ARMC9: variants seen among roughly 807,000 people sequenced by gnomAD.
ARMC9 encodes lisH domain-containing protein ARMC9.
In ARMC9, 94 loss-of-function variants were observed where a neutral mutation model predicts 107.0. The observed-to-expected ratio is 0.88, with a 90% CI of 0.74 to 1.04. The LOEUF (loss-of-function observed/expected upper bound fraction) is 1.04. Among genes scored for constraint, ARMC9 ranks in the 50% least tolerant of loss-of-function variants. The pLI is 0.00. For synonymous variants in ARMC9, 380 were observed against 396.9 expected, an observed-to-expected ratio of 0.96 and a Z score of 0.51; for missense variants, 942 against 1,030.1, an observed-to-expected ratio of 0.91 and a Z score of 1.17.
rs1042346974 is a variant in ARMC9 at position 231,362,857 on chromosome 2, C to T, written c.2261+1974C>T. 2 of 154,312 alleles carry T rather than the reference C, an allele frequency of 1.3e-5. No homozygotes were observed. The highest frequency in any genetic ancestry group is 4.8e-5 in the African/African-American group (2 of 41,500). 9.6% of individuals were successfully genotyped at this position (154,312 alleles called of 1,614,324 possible). Reference sequence around the variant, plus strand: ...CCCAATTCAGGTCTCACTGAAGCATCCCTTCCTCCTGCCTGACCCCAAAGT... The same window carrying T: ...CCCAATTCAGGTCTCACTGAAGCATTCCTTCCTCCTGCCTGACCCCAAAGT... On this transcript the variant is annotated intron_variant, in intron 23 of 24. Transcript: ENST00000611582. The surrounding 1 kb of genome is among the most constrained non-coding windows in gnomAD (Gnocchi z 4.7).
chr2:231,240,460 C>T (rs2036193301), intron 9 of ARMC9, among the ~76,000 whole-genome samples: 1 of 152,124 alleles, frequency 6.6e-6, no homozygotes, highest in Admixed American at 6.5e-5. Context: ...ATTGGTATAC[C>T]CTTCACCCAG....
At chr2:231,301,550 A>G (rs948413917) in intron 19 of ARMC9, among the ~76,000 whole-genome samples, 2 of 151,586 alleles carry the variant, frequency 1.3e-5, no homozygotes, top group South Asian at 2.1e-4. Flanking sequence ...TACATTGTAC[A>G]TTTCCAATTT....
intron 15 of ARMC9, among the ~76,000 whole-genome samples, chr2:231,277,880 ATATG>A (rs2039899556): frequency 6.6e-6 from 1 of 152,184 alleles, no homozygotes; most frequent in South Asian, 2.1e-4. Flanking sequence ...CTAACTTCTA[ATATG>A]TTTATCAGAT....
intron 9 of ARMC9, among the ~76,000 whole-genome samples, chr2:231,251,300 G>A (rs1260994455): frequency 2.0e-5 from 3 of 152,060 alleles, no homozygotes; most frequent in Non-Finnish European, 4.4e-5. Flanking sequence ...CCAAGTAGCT[G>A]GGACTACAGG....
chr2:231,274,839 A>G (rs1297240556), intron 14 of ARMC9, among the ~76,000 whole-genome samples: 1 of 152,196 alleles, frequency 6.6e-6, no homozygotes, highest in Admixed American at 6.5e-5. Flanking sequence ...CTCCCTGCCA[A>G]TGAAAATTCT....
intron 19 of ARMC9, among the ~76,000 whole-genome samples, chr2:231,316,762 T>C (rs2042710754): frequency 6.6e-6 from 1 of 152,142 alleles, no homozygotes; most frequent in Admixed American, 6.5e-5. Context: ...TGGCTTCCAT[T>C]GTTTTGTTTT....
rs1234115233 is a variant in ARMC9 at position 231,310,057 on chromosome 2, G to A, written c.1773+13804G>A. Among the ~76,000 whole-genome samples, 25 of 152,212 alleles carry A rather than the reference G, an allele frequency of 1.6e-4. 1 individual carries two copies. The highest frequency in any genetic ancestry group is 1.6e-3 in the Admixed American group (25 of 15,288). ...TGCACCATACTCGGTTTAGTGGAGT[G>A]ACGAGGACTACATAACTAACTGATA... On this transcript the variant is annotated intron_variant, in intron 19 of 24. Coordinates refer to ENST00000611582, the MANE Select transcript of ARMC9 (RefSeq NM_001352754.2).
chr2:231,240,356 A>C (rs1260534379), intron 9 of ARMC9, among the ~76,000 whole-genome samples: 2 of 152,180 alleles, frequency 1.3e-5, no homozygotes, highest in East Asian at 3.9e-4. Context: ...GCACTGCCAT[A>C]GTGGAAATTG....
intron 19 of ARMC9, among the ~76,000 whole-genome samples, chr2:231,301,767 C>G (rs1420444519): frequency 6.6e-6 from 1 of 152,006 alleles, no homozygotes; most frequent in Non-Finnish European, 1.5e-5. Flanking sequence ...TCACCTGAGG[C>G]CAGGAGTTCA....
At chr2:231,252,519 G>T (rs1559354598) in intron 9 of ARMC9, among the ~76,000 whole-genome samples, 1 of 152,166 alleles carries the variant, frequency 6.6e-6, no homozygotes, top group Non-Finnish European at 1.5e-5. Context: ...CAAAGTACTG[G>T]GATTACAGGC....
chr2:231,373,778 T>G lies in ARMC9; in HGVS notation c.*2243T>G, dbSNP rs1277676535. 1 of 151,924 alleles carries G rather than the reference T, an allele frequency of 6.6e-6. No individual in the cohort carries two copies. Among genetic ancestry groups the G allele is most frequent in the Non-Finnish European group, 1.5e-5 (1 of 68,040 alleles). The allele number at this position is 151,924 out of a possible 1,614,324, so 9.4% of individuals were successfully genotyped here. A position where few individuals can be genotyped will look rare whatever the true frequency, so the allele number is the denominator to read the frequency against. On this transcript the variant is annotated 3_prime_UTR_variant, in exon 25 of 25. Coordinates refer to ENST00000611582, the MANE Select transcript of ARMC9 (RefSeq NM_001352754.2). This position sits in a 1 kb window ranked among gnomAD's most constrained non-coding sequence, Gnocchi z 4.4. ...TTAGCTGGATGTGGTGGTGGGTGCC[T>G]GTAATCTCAGCTACTCAAGGAGGCT...
At chr2:231,276,203 A>G (rs898584269) in intron 14 of ARMC9, among the ~76,000 whole-genome samples, 2 of 152,188 alleles carry the variant, frequency 1.3e-5, no homozygotes, top group African/African-American at 4.8e-5. Context: ...GGGTTTAACA[A>G]AAATATTCCT....
At chr2:231,295,604 T>A (rs1180704267) in intron 18 of ARMC9, 1 of 152,326 alleles carries the variant, frequency 6.6e-6, no homozygotes, top group Admixed American at 6.5e-5. Flanking sequence ...GTAACTCCTT[T>A]GTGCTACCAA....
At chr2:231,253,611 G>A (rs539040817) in intron 9 of ARMC9, among the ~76,000 whole-genome samples, 1 of 152,312 alleles carries the variant, frequency 6.6e-6, no homozygotes, top group Admixed American at 6.5e-5. Context: ...GTGCAGGCAT[G>A]TCCGCTGGGG....
At chr2:231,341,537 G>A (rs2044499601) in intron 20 of ARMC9, among the ~76,000 whole-genome samples, 2 of 152,196 alleles carry the variant, frequency 1.3e-5, no homozygotes, top group Admixed American at 6.5e-5. Flanking sequence ...GGTCAGGAAG[G>A]AGAGGGTGAA....
At chr2:231,231,120 C>T (rs115989384) in intron 7 of ARMC9, among the ~76,000 whole-genome samples, 2,076 of 152,186 alleles carry the variant, frequency 0.014, 49 homozygotes, top group African/African-American at 0.048. Flanking sequence ...AATGAACTTC[C>T]GGGGGGAAGG....
At chr2:231,341,254 C>T (rs777196562) in intron 20 of ARMC9, among the ~76,000 whole-genome samples, 4 of 152,240 alleles carry the variant, frequency 2.6e-5, no homozygotes, top group Non-Finnish European at 4.4e-5. Context: ...TCTGGTAATT[C>T]TGCCTTGATG....
chr2:231,300,290 T>C (rs2041642254), intron 19 of ARMC9, among the ~76,000 whole-genome samples: 1 of 152,248 alleles, frequency 6.6e-6, no homozygotes, highest in African/African-American at 2.4e-5. Context: ...TTTCCTTCTA[T>C]ACAAAGTGCT....
chr2:231,267,154 G>A (rs187340472), intron 12 of ARMC9, among the ~76,000 whole-genome samples: 110 of 152,328 alleles, frequency 7.2e-4, no homozygotes, highest in Non-Finnish European at 1.3e-3. Flanking sequence ...TCAAAAGTGG[G>A]AGAGAGTCCT....
Sources: allele counts gnomAD v4.1 joint callset (sites outside exome capture counted in the v4.1 genomes callset), GRCh38; gene constraint gnomAD v4.1.1; non-coding constraint Gnocchi (gnomAD v3.1); transcripts MANE v1.5; gene names NCBI Gene and HGNC (gene_info 2026-07-23, HGNC 2026-07-21).